The following ABCB4 variants were observed in gnomAD, a reference collection of about 807,000 sequenced individuals.
The protein encoded by ABCB4 is phosphatidylcholine translocator ABCB4.
ABCB4 carries 76 observed loss-of-function variants against 145.7 expected under a neutral mutation model. The ratio of observed to expected loss-of-function variants is 0.52; its 90% CI spans 0.43 to 0.63. ABCB4 has a LOEUF of 0.63. Ranked by LOEUF, ABCB4 falls within the 30% of genes least tolerant of loss-of-function variation. The probability of loss-of-function intolerance (pLI) is 0.00; values close to 1 mark genes in which losing one functional copy is unlikely to be tolerated. For synonymous variants in ABCB4, 517 were observed against 566.8 expected, an observed-to-expected ratio of 0.91 and a Z score of 1.25; for missense variants, 1,234 against 1,553.1, an observed-to-expected ratio of 0.79 and a Z score of 3.45.
chr7:87,369,362 G>A, the ABCB4 span: 1 of 1,573,836 alleles, frequency 6.4e-7, no homozygotes. Flanking sequence ...TGTGTTTTCT[G>A]TTTCTGTTTC....
At chr7:87,444,256 C>T (rs893748973) in intron 10 of ABCB4, among the ~76,000 whole-genome samples, 3 of 152,136 alleles carry the variant, frequency 2.0e-5, no homozygotes, top group African/African-American at 7.2e-5. Flanking sequence ...CAATCAGAAA[C>T]TGAGCACTTT....
chr7:87,413,901 G>A (rs1808795048), intron 21 of ABCB4, among the ~76,000 whole-genome samples, 184 bp from the exon 22 acceptor site: 1 of 152,224 alleles, frequency 6.6e-6, no homozygotes, highest in South Asian at 2.1e-4. Context: ...TGGTACTTCT[G>A]GCTGTGCTAA....
At position 87,417,498 on chromosome 7, in the gene ABCB4, C is replaced by T; in HGVS notation, c.2496G>A (p.Leu832=). Residue 832 remains leucine, a synonymous_variant, in exon 21 of 28, where the codon TTG becomes TTA. Coordinates refer to ENST00000649586, the MANE Select transcript of ABCB4 (RefSeq NM_000443.4). ...AQVQGATGTR[L]ALIAQNIANL... ...TAGCTATATTCTGTGCAATTAAAGC[C>T]AACCTGGTTCCTGTGGCCTGGGAGA... 1.9e-6 allele frequency: 3 copies of T among 1,614,088 alleles called. No individual in the cohort carries two copies. Among genetic ancestry groups the T allele is most frequent in the East Asian group, 2.2e-5 (1 of 44,856 alleles).
At chr7:87,428,925 G>C (rs1046653937) in intron 15 of ABCB4, among the ~76,000 whole-genome samples, 1 of 152,106 alleles carries the variant, frequency 6.6e-6, no homozygotes. Flanking sequence ...TTAAAAAAAT[G>C]CTTGATTTTT....
At chr7:87,463,702 T>C (rs1003552482) in intron 3 of ABCB4, among the ~76,000 whole-genome samples, 2 of 152,152 alleles carry the variant, frequency 1.3e-5, no homozygotes, top group African/African-American at 2.4e-5. Flanking sequence ...GGAGAGGATG[T>C]TGGAGAGAGA....
intron 15 of ABCB4, among the ~76,000 whole-genome samples, chr7:87,427,138 C>T (rs1042705140): frequency 7.9e-5 from 12 of 151,686 alleles, no homozygotes; most frequent in African/African-American, 2.9e-4. Flanking sequence ...ATAAGAAAAT[C>T]GGAGTATAAG....
At chr7:87,424,162 C>G in intron 16 of ABCB4, 110 bp from the exon 17 acceptor site, 1 of 1,305,844 alleles carries the variant, frequency 7.7e-7, no homozygotes, top group Non-Finnish European at 1.1e-6. Context: ...AAACTAGGTG[C>G]AGAGAATGAC....
At chr7:87,460,760 C>A (rs1812404485) in intron 4 of ABCB4, among the ~76,000 whole-genome samples, 1 of 151,750 alleles carries the variant, frequency 6.6e-6, no homozygotes, top group Non-Finnish European at 1.5e-5. Flanking sequence ...AAGCAACTCT[C>A]CAGCCTCAGC....
chr7:87,396,695 A>AG, the ABCB4 span, among the ~76,000 whole-genome samples: 332 of 151,848 alleles, frequency 2.2e-3, 1 homozygote, highest in Non-Finnish European at 3.4e-3. Context: ...GATTGTAAAA[A>AG]AAAAAAAGTT....
intron 27 of ABCB4, 58 bp from the exon 28 acceptor site, chr7:87,402,360 T>C (rs1397914204): frequency 1.3e-6 from 2 of 1,586,568 alleles, no homozygotes; most frequent in East Asian, 4.6e-5. Context: ...AGTTTTAACA[T>C]TCAAGTAAAT....
At chr7:87,394,462 A>G in the ABCB4 span, among the ~76,000 whole-genome samples, 1 of 152,150 alleles carries the variant, frequency 6.6e-6, no homozygotes, top group Non-Finnish European at 1.5e-5. Flanking sequence ...ATTACAAGAA[A>G]GAGTTGATTT....
chr7:87,420,196 C>A, intron 18 of ABCB4, 121 bp from the exon 19 acceptor site: 1 of 892,628 alleles, frequency 1.1e-6, no homozygotes, highest in Non-Finnish European at 1.8e-6. Flanking sequence ...CACGGATCCT[C>A]AAGTCATGTT....
chr7:87,379,745 A>T, the ABCB4 span, among the ~76,000 whole-genome samples: 1 of 152,232 alleles, frequency 6.6e-6, no homozygotes, highest in Non-Finnish European at 1.5e-5. Context: ...ATTAAATTCC[A>T]TGGAGGTTTC....
At chr7:87,432,069 TA>T (rs1381635459) in intron 14 of ABCB4, among the ~76,000 whole-genome samples, 1 of 152,136 alleles carries the variant, frequency 6.6e-6, no homozygotes, top group Non-Finnish European at 1.5e-5. Context: ...TCAGGACTAT[TA>T]AAATTATGGT....
chr7:87,388,405 A>G, the ABCB4 span, among the ~76,000 whole-genome samples: 337 of 152,352 alleles, frequency 2.2e-3, no homozygotes, highest in African/African-American at 7.6e-3. Flanking sequence ...CCAAAACAGC[A>G]TGTTACTGGT....
intron 10 of ABCB4, among the ~76,000 whole-genome samples, chr7:87,444,579 A>G (rs1472244793): frequency 3.3e-5 from 5 of 152,186 alleles, no homozygotes; most frequent in African/African-American, 1.2e-4. Flanking sequence ...TGAAAAAGAT[A>G]AAAACTAGGA....
chr7:87,440,155 T>G, intron 13 of ABCB4, 44 bp downstream of exon 13: 1 of 1,582,868 alleles, frequency 6.3e-7, no homozygotes, highest in Non-Finnish European at 8.7e-7. Context: ...TCCTATGAGG[T>G]GAAATTCTAA....
chr7:87,433,486 CATG>C (rs1212823119), intron 14 of ABCB4, among the ~76,000 whole-genome samples: 3 of 152,050 alleles, frequency 2.0e-5, no homozygotes, highest in South Asian at 4.2e-4. Context: ...ACTATATTAT[CATG>C]ATGATGATAA....
At chr7:87,445,568 G>T (rs1286292788) in intron 9 of ABCB4, among the ~76,000 whole-genome samples, 2 of 152,116 alleles carry the variant, frequency 1.3e-5, no homozygotes, top group Non-Finnish European at 2.9e-5. Flanking sequence ...TTGATATAAA[G>T]AAGCTCAGAA....
Sources: gnomAD v4.1 joint callset for allele counts (sites outside exome capture counted in the v4.1 genomes callset) on GRCh38, gnomAD v4.1.1 for gene constraint, MANE v1.5 for transcripts, NCBI Gene and HGNC (gene_info 2026-07-23, HGNC 2026-07-21) for gene names.